The following MRRF variants were observed in gnomAD, a reference collection of about 807,000 sequenced individuals.
The protein encoded by MRRF is ribosome-recycling factor, mitochondrial.
Under a neutral mutation model 25.1 loss-of-function variants are expected in MRRF, and 18 were observed. The observed-to-expected ratio is 0.72, with a 90% CI of 0.50 to 1.06. MRRF has a LOEUF of 1.06. Ranked by LOEUF, MRRF falls within the 50% of genes least tolerant of loss-of-function variation. The pLI, the probability that MRRF is intolerant of heterozygous loss-of-function variation, is 0.00. For missense variants in MRRF, 323 were observed against 319.3 expected (o/e 1.01, Z -0.09); for synonymous variants, 113 against 112.1 (o/e 1.01, Z -0.05).
chr9:122,280,268 G>A (rs1277105768), intron 2 of MRRF, among the ~76,000 whole-genome samples, 175 bp from the exon 3 acceptor site: 1 of 152,178 alleles, frequency 6.6e-6, no homozygotes, highest in Non-Finnish European at 1.5e-5. Context: ...CTGAGAAGGT[G>A]TTTAGCACAG....
chr9:122,325,630 T>G lies in MRRF; in HGVS notation c.*3013T>G, dbSNP rs1009443677. On this transcript the variant is annotated 3_prime_UTR_variant, in exon 7 of 7. Transcript: ENST00000344641. Reference sequence around the variant, plus strand: ...AGAATTTGAGAATTTTTTTCCTGTCTGGTGTGTGTGTGTGTGTGTGTGTGT... The same window carrying G: ...AGAATTTGAGAATTTTTTTCCTGTCGGGTGTGTGTGTGTGTGTGTGTGTGT... 100 of 124,460 alleles carry G rather than the reference T, an allele frequency of 8.0e-4. No homozygotes were observed. Among genetic ancestry groups the G allele is most frequent in the African/African-American group, 2.9e-3 (96 of 32,726 alleles). 7.7% of individuals were successfully genotyped at this position (124,460 alleles called of 1,614,324 possible). A position where few individuals can be genotyped will look rare whatever the true frequency, so the allele number is the denominator to read the frequency against.
At position 122,324,781 on chromosome 9, in the gene MRRF, C is replaced by CT. The variant is rs2119036930; in HGVS notation, c.*2166dup. 1 of 152,312 alleles carries CT rather than the reference C, an allele frequency of 6.6e-6. No homozygotes were observed. The highest frequency in any genetic ancestry group is 2.1e-4 in the South Asian group (1 of 4,826). The allele number at this position is 152,312 out of a possible 1,614,324, so 9.4% of individuals were successfully genotyped here. On this transcript the variant is annotated 3_prime_UTR_variant, in exon 7 of 7. Coordinates refer to ENST00000344641, the MANE Select transcript of MRRF (RefSeq NM_138777.5). ...AATAAGGGTTGCACTTCCCTCTTTACTTACACTGGTGAAACATGCAGTGAG... is the reference window on the plus strand; with the variant it reads ...AATAAGGGTTGCACTTCCCTCTTTACTTTACACTGGTGAAACATGCAGTGAG...
At chr9:122,304,693 T>TTAC (rs1390407742) in intron 5 of MRRF, among the ~76,000 whole-genome samples, 2 of 152,210 alleles carry the variant, frequency 1.3e-5, no homozygotes, top group Non-Finnish European at 2.9e-5. Flanking sequence ...TTCTTTCTCC[T>TTAC]TACTGCTCTT....
chr9:122,280,092 T>C (rs1833004524), intron 2 of MRRF, among the ~76,000 whole-genome samples: 2 of 152,238 alleles, frequency 1.3e-5, no homozygotes, highest in South Asian at 4.1e-4. Flanking sequence ...ATGACTTAAT[T>C]TGTATCCTTG....
chr9:122,285,781 C>T lies in MRRF; in HGVS notation c.459+494C>T, dbSNP rs1029475868. ...ACTAATTGAGTTTTTTTTTTAAAGACTATGAAGCAAATAAAACAATACTTT... is the reference window on the plus strand; with the variant it reads ...ACTAATTGAGTTTTTTTTTTAAAGATTATGAAGCAAATAAAACAATACTTT... On this transcript the variant is annotated intron_variant, in intron 4 of 6. Transcript: ENST00000344641. 3.1e-6 allele frequency: 4 copies of T among 1,271,856 alleles called. No homozygotes were observed. In the Admixed American group the frequency reaches 9.1e-5, roughly 29 times the overall value. 78.8% of individuals were successfully genotyped at this position (1,271,856 alleles called of 1,614,324 possible).
intron 6 of MRRF, among the ~76,000 whole-genome samples, chr9:122,321,113 A>G (rs1167589974): frequency 6.6e-6 from 1 of 152,268 alleles, no homozygotes; most frequent in African/African-American, 2.4e-5. Flanking sequence ...GACATAAACA[A>G]TACATTGCCT....
chr9:122,321,000 G>GA (rs1298234192), intron 6 of MRRF, among the ~76,000 whole-genome samples: 2 of 152,152 alleles, frequency 1.3e-5, no homozygotes, highest in African/African-American at 2.4e-5. Context: ...AGAAAATTTG[G>GA]AAAATATAGA....
chr9:122,308,699 CAAAAAAAAAAAA>C (rs776774424), intron 5 of MRRF, among the ~76,000 whole-genome samples: 21 of 60,106 alleles, frequency 3.5e-4, no homozygotes, highest in African/African-American at 1.2e-3. Context: ...ACTCCATCTC[CAAAAAAAAAAAA>C]AAAAAAAAAA....
intron 5 of MRRF, among the ~76,000 whole-genome samples, chr9:122,305,198 G>T (rs1834757034): frequency 6.6e-6 from 1 of 152,006 alleles, no homozygotes; most frequent in Non-Finnish European, 1.5e-5. Context: ...ATCACCAGAG[G>T]TCAGGAGTTC....
intron 5 of MRRF, among the ~76,000 whole-genome samples, chr9:122,307,915 T>C (rs902393333): frequency 6.6e-6 from 1 of 152,198 alleles, no homozygotes; most frequent in African/African-American, 2.4e-5. Flanking sequence ...GATATGCACC[T>C]GGTGTATAGC....
intron 2 of MRRF, among the ~76,000 whole-genome samples, chr9:122,275,068 A>G (rs1387893586): frequency 1.3e-5 from 2 of 150,080 alleles, no homozygotes; most frequent in East Asian, 1.9e-4. Context: ...GCAAATTAAC[A>G]TATCCATTAT....
rs1050156247 is a variant in MRRF, at chr9:122,320,916, C to T, written c.712-1624C>T. Among the ~76,000 whole-genome samples, 7 of 152,156 alleles carry T rather than the reference C, an allele frequency of 4.6e-5. No individual in the cohort carries two copies. The South Asian group carries it at 1.0e-3, about 23-fold the overall frequency. ...AGGCTTCCTGCTTTCAGTCTCTTTT[C>T]GACATAGGAAGGAGACTGTGGCAGC... On this transcript the variant is annotated intron_variant, in intron 6 of 6. Coordinates refer to ENST00000344641, the MANE Select transcript of MRRF (RefSeq NM_138777.5).
Position 122,329,433 on chromosome 9 carries a change from G to A in MRRF, c.*6816G>A, listed in dbSNP as rs1400302851. The A allele has an allele frequency of 2.0e-5, 3 of 152,248 alleles. No homozygotes were observed. The highest frequency in any genetic ancestry group is 3.4e-3 in the Middle Eastern group (1 of 296). The allele number at this position is 152,248 out of a possible 1,614,324, so 9.4% of individuals were successfully genotyped here. On this transcript the variant is annotated 3_prime_UTR_variant, in exon 7 of 7. Transcript: ENST00000344641. ...CATTATCCATCCCGATGCTTCTCCT[G>A]ATTCATTCATTCATTATCCATACCG...
At chr9:122,310,663 G>A (rs537944927) in intron 5 of MRRF, among the ~76,000 whole-genome samples, 1 of 152,352 alleles carries the variant, frequency 6.6e-6, no homozygotes, top group South Asian at 2.1e-4. Flanking sequence ...AGGTGGGCCA[G>A]GTCTGCCTCT....
rs376130542 is a variant in MRRF, at chr9:122,310,241, T to A, written c.552-2986T>A. On this transcript the variant is annotated intron_variant, in intron 5 of 6. Coordinates refer to ENST00000344641, the MANE Select transcript of MRRF (RefSeq NM_138777.5). ...GCAGGCCCAGAAGTGGGGTCGGATC[T>A]GAGTTTTGTAGCCTGGGATAGAGCC... 6.6e-5 allele frequency among the ~76,000 whole-genome samples: 10 copies of A among 152,356 alleles called. 1 individual carries two copies. Among genetic ancestry groups the A allele is most frequent in the African/African-American group, 1.9e-4 (8 of 41,582 alleles).
intron 1 of MRRF, among the ~76,000 whole-genome samples, chr9:122,269,090 C>T (rs964181744): frequency 1.3e-5 from 2 of 150,902 alleles, no homozygotes; most frequent in Non-Finnish European, 3.0e-5. Context: ...GGCGTGTACC[C>T]GGGAGGCGGA....
intron 3 of MRRF, among the ~76,000 whole-genome samples, chr9:122,283,955 A>C (rs1427162462): frequency 6.7e-6 from 1 of 149,160 alleles, no homozygotes; most frequent in Non-Finnish European, 1.5e-5. Context: ...TAATAGGAAA[A>C]TGTTAATAGT....
intron 4 of MRRF, among the ~76,000 whole-genome samples, chr9:122,289,279 A>C (rs1467074027): frequency 6.6e-6 from 1 of 152,210 alleles, no homozygotes. Context: ...TCTGAACCAG[A>C]TCACTAATAT....
At chr9:122,309,324 T>C (rs1426635847) in intron 5 of MRRF, among the ~76,000 whole-genome samples, 7 of 152,258 alleles carry the variant, frequency 4.6e-5, no homozygotes, top group Non-Finnish European at 7.3e-5. Context: ...TAAGACCTAC[T>C]AAGACATTGA....
Sources: allele counts gnomAD v4.1 joint callset (sites outside exome capture counted in the v4.1 genomes callset), GRCh38; gene constraint gnomAD v4.1.1; transcripts MANE v1.5; gene names NCBI Gene and HGNC (gene_info 2026-07-23, HGNC 2026-07-21).